MGAT5: variants seen among roughly 807,000 people sequenced by gnomAD.
MGAT5 encodes alpha-1,6-mannosylglycoprotein 6-beta-N-acetylglucosaminyltransferase.
Under a neutral mutation model 94.3 loss-of-function variants are expected in MGAT5, and 30 were observed. The observed-to-expected ratio is 0.32, with a 90% CI of 0.24 to 0.43. The LOEUF (loss-of-function observed/expected upper bound fraction) is 0.43, where lower values mean the gene tolerates loss of function less well. MGAT5 is among the 20% of genes least tolerant of loss of function. The pLI is 1.00. For synonymous variants in MGAT5, 310 were observed against 322.9 expected, an observed-to-expected ratio of 0.96 and a Z score of 0.43; for missense variants, 691 against 905.5, an observed-to-expected ratio of 0.76 and a Z score of 3.04.
chr2:134,411,738 G>A (rs1192908355), intron 11 of MGAT5, among the ~76,000 whole-genome samples: 1 of 152,222 alleles, frequency 6.6e-6, no homozygotes, highest in Admixed American at 6.5e-5. Flanking sequence ...TGGTGAGAAG[G>A]AGGGGATTGC....
intron 2 of MGAT5, among the ~76,000 whole-genome samples, chr2:134,306,946 A>G (rs1412531015): frequency 6.6e-6 from 1 of 152,080 alleles, no homozygotes; most frequent in African/African-American, 2.4e-5. Context: ...CTCTCTGCTG[A>G]TACATTTCAG....
chr2:134,205,388 A>G (rs1679979238), intron 1 of MGAT5, among the ~76,000 whole-genome samples: 1 of 152,114 alleles, frequency 6.6e-6, no homozygotes, highest in Non-Finnish European at 1.5e-5. Flanking sequence ...GGAGATAGTG[A>G]AAATAGATTT....
chr2:134,286,000 A>G (rs1027718718), intron 2 of MGAT5, among the ~76,000 whole-genome samples: 2 of 152,200 alleles, frequency 1.3e-5, no homozygotes, highest in African/African-American at 4.8e-5. Flanking sequence ...TGTTTTTCCC[A>G]GCGTTAATAA....
chr2:134,275,969 T>G (rs959185427), intron 2 of MGAT5, among the ~76,000 whole-genome samples: 2 of 152,110 alleles, frequency 1.3e-5, no homozygotes, highest in African/African-American at 4.8e-5. Flanking sequence ...AATAGAAGTA[T>G]CCAGCCCCAA....
Position 134,161,212 on chromosome 2 carries a change from A to G in MGAT5, c.-143+40921A>G, listed in dbSNP as rs552600042. ...CTTTCTTAGCCTGCCTCAGGAGGGA[A>G]TGACTGTCCTTGCATTGATAACTGA... On this transcript the variant is annotated intron_variant, in intron 1 of 16. Coordinates refer to the MGAT5 transcript ENST00000409645. Among the ~76,000 whole-genome samples, 7 of 152,300 alleles carry G rather than the reference A, an allele frequency of 4.6e-5. No homozygotes were observed. The East Asian group carries it at 1.3e-3, about 29-fold the overall frequency.
At chr2:134,291,037 T>C (rs1685318884) in intron 2 of MGAT5, among the ~76,000 whole-genome samples, 1 of 152,152 alleles carries the variant, frequency 6.6e-6, no homozygotes, top group African/African-American at 2.4e-5. Context: ...ATAGACAGTT[T>C]ACATGTAATG....
intron 10 of MGAT5, among the ~76,000 whole-genome samples, chr2:134,402,219 G>A: frequency 6.6e-6 from 1 of 152,172 alleles, no homozygotes; most frequent in Non-Finnish European, 1.5e-5. Context: ...AGGTGAACTT[G>A]CTTCCACTTC....
intron 13 of MGAT5, among the ~76,000 whole-genome samples, chr2:134,423,457 C>T (rs961274160): frequency 1.3e-5 from 2 of 152,098 alleles, no homozygotes; most frequent in Non-Finnish European, 2.9e-5. Context: ...TTGTGGAGGG[C>T]GGGGTGTTTA....
chr2:134,221,759 A>G (rs575949798), intron 1 of MGAT5, among the ~76,000 whole-genome samples: 2 of 152,332 alleles, frequency 1.3e-5, no homozygotes, highest in African/African-American at 4.8e-5. Context: ...TCTGGTGAGA[A>G]TCTAGGCCCA....
chr2:134,219,852 G>C (rs1201459540), intron 1 of MGAT5, among the ~76,000 whole-genome samples: 1 of 152,190 alleles, frequency 6.6e-6, no homozygotes. Flanking sequence ...CCTTGAGCGA[G>C]AGAGTTACTT....
At chr2:134,226,869 T>C (rs1472456931) in intron 1 of MGAT5, among the ~76,000 whole-genome samples, 1 of 152,066 alleles carries the variant, frequency 6.6e-6, no homozygotes, top group East Asian at 1.9e-4. Flanking sequence ...TAAAGCAGCC[T>C]GCATGGGTTC....
intron 8 of MGAT5, among the ~76,000 whole-genome samples, chr2:134,349,048 C>T (rs911549349): frequency 3.9e-5 from 6 of 152,032 alleles, no homozygotes; most frequent in South Asian, 2.1e-4. Context: ...TTTTTATTTT[C>T]GAACATGAAA....
intron 11 of MGAT5, among the ~76,000 whole-genome samples, chr2:134,408,189 G>A (rs774112429): frequency 3.3e-5 from 5 of 152,106 alleles, no homozygotes; most frequent in Admixed American, 6.6e-5. Context: ...GGAGAGAGGC[G>A]TGGTCAGAAA....
At chr2:134,447,007 G>A (rs1685820796) in intron 15 of MGAT5, among the ~76,000 whole-genome samples, 1 of 152,258 alleles carries the variant, frequency 6.6e-6, no homozygotes, top group African/African-American at 2.4e-5. Context: ...CAGCTGGTTA[G>A]CTAGAGAAAG....
At chr2:134,175,805 G>A (rs887321081) in intron 1 of MGAT5, among the ~76,000 whole-genome samples, 28 of 152,222 alleles carry the variant, frequency 1.8e-4, no homozygotes, top group African/African-American at 4.8e-4. Flanking sequence ...GAAAGGGGTG[G>A]AGGCCGCTTT....
chr2:134,381,418 A>AT (rs1681598635), intron 10 of MGAT5, among the ~76,000 whole-genome samples: 1 of 146,334 alleles, frequency 6.8e-6, no homozygotes, highest in African/African-American at 2.5e-5. Context: ...AGATAGATAG[A>AT]TAGATAGATA....
At chr2:134,313,754 T>C (rs1225946090) in intron 2 of MGAT5, among the ~76,000 whole-genome samples, 1 of 152,156 alleles carries the variant, frequency 6.6e-6, no homozygotes, top group Admixed American at 6.5e-5. Context: ...ATGGACTCTT[T>C]ATAATAAAAG....
At chr2:134,322,137 C>T (rs536093418) in intron 4 of MGAT5, among the ~76,000 whole-genome samples, 8 of 152,242 alleles carry the variant, frequency 5.3e-5, no homozygotes, top group South Asian at 2.1e-4. Context: ...GAGTACAACC[C>T]GGCAGATAAA....
intron 2 of MGAT5, among the ~76,000 whole-genome samples, chr2:134,280,427 G>A (rs562321707): frequency 5.1e-4 from 77 of 152,324 alleles, no homozygotes; most frequent in African/African-American, 1.6e-3. Context: ...ACCCGAGGAC[G>A]ACATGTCTGG....
Sources: allele counts gnomAD v4.1 joint callset (sites outside exome capture counted in the v4.1 genomes callset), GRCh38; gene constraint gnomAD v4.1.1; transcripts MANE v1.5; gene names NCBI Gene and HGNC (gene_info 2026-07-23, HGNC 2026-07-21).